GET3: variants seen among roughly 807,000 people sequenced by gnomAD.
The protein encoded by GET3 is guided entry of tail-anchored proteins factor 3, ATPase.
GET3 carries 15 observed loss-of-function variants against 32.4 expected under a neutral mutation model. The ratio of observed to expected loss-of-function variants is 0.46; its 90% CI spans 0.31 to 0.71. The LOEUF (loss-of-function observed/expected upper bound fraction) is 0.71, where lower values mean the gene tolerates loss of function less well. GET3 is among the 30% of genes least tolerant of loss of function. The pLI, the probability that GET3 is intolerant of heterozygous loss-of-function variation, is 0.05. For missense variants in GET3, 333 were observed against 459.0 expected (o/e 0.73, Z 2.51); for synonymous variants, 198 against 185.6 (o/e 1.07, Z -0.54).
rs1426361710 is a variant in GET3 at position 12,745,442 on chromosome 19, G to A, written c.375G>A (p.Leu125=). The change falls in exon 3 of 7, where the codon CTG becomes CTA. Residue 125 remains leucine (L), a synonymous_variant. Transcript: ENST00000357332. This position sits in a 1 kb window ranked among gnomAD's most constrained non-coding sequence, Gnocchi z 5.0. ...AGTTCTTCGAGGAGGACAACATGCT[G>A]AGCATGGGCAAGAAGATGATGCAGG... ...PDEFFEEDNM[L]SMGKKMMQEA... 3 of 1,613,134 alleles carry A rather than the reference G, an allele frequency of 1.9e-6. No homozygotes were observed. The highest frequency in any genetic ancestry group is 2.5e-6 in the Non-Finnish European group (3 of 1,179,994).
At chr19:12,742,864 A>T (rs2145689637) in intron 2 of GET3, among the ~76,000 whole-genome samples, 1 of 152,190 alleles carries the variant, frequency 6.6e-6, no homozygotes, top group African/African-American at 2.4e-5. Context: ...TATCTCTAAA[A>T]GAAAGAAAAA....
intron 2 of GET3, among the ~76,000 whole-genome samples, chr19:12,743,275 GA>G (rs1967702640): frequency 6.6e-6 from 1 of 150,960 alleles, no homozygotes; most frequent in South Asian, 2.1e-4. Flanking sequence ...GTTGGGAGTT[GA>G]AAACCAGCCT....
chr19:12,737,555 A>G lies in GET3; in HGVS notation c.50A>G (p.Asp17Gly). The change falls in exon 1 of 7, where the codon GAT becomes GGT. Residue 17 changes from aspartate to glycine, a missense_variant. By Grantham distance (94) the Asp-to-Gly change is moderately conservative. Coordinates refer to ENST00000357332, the MANE Select transcript of GET3 (RefSeq NM_004317.4). Reference sequence around the variant, plus strand: ...GGGGTTGAGGCAGAGGAGTTCGAAGATGCTCCTGATGTGGAGCCGCTGGAG... The same window carrying G: ...GGGGTTGAGGCAGAGGAGTTCGAAGGTGCTCCTGATGTGGAGCCGCTGGAG... ...GWGVEAEEFEDAPDVEPLEPT... is the reference protein window; with the variant it reads ...GWGVEAEEFEGAPDVEPLEPT... 6.2e-7 allele frequency: 1 copy of G among 1,604,488 alleles called. No individual in the cohort carries two copies. The highest frequency in any genetic ancestry group is 8.5e-7 in the Non-Finnish European group (1 of 1,176,086).
At position 12,745,601 on chromosome 19, in the gene GET3, C is replaced by T. The variant is rs1967756915; in HGVS notation, c.459-8C>T. Reference sequence around the variant, plus strand: ...GACACAGAGGGCCTGACCCCTGTCTCCCCTCAGGCTGGTGAAGGGCATGAA... The same window carrying T: ...GACACAGAGGGCCTGACCCCTGTCTTCCCTCAGGCTGGTGAAGGGCATGAA... On this transcript the variant is annotated splice_polypyrimidine_tract_variant and splice_region_variant and intron_variant, in intron 3 of 6. Coordinates refer to ENST00000357332, the MANE Select transcript of GET3 (RefSeq NM_004317.4). The surrounding 1 kb of genome is among the most constrained non-coding windows in gnomAD (Gnocchi z 5.0). 1 of 1,612,602 alleles carries T rather than the reference C, an allele frequency of 6.2e-7. No individual in the cohort carries two copies. Among genetic ancestry groups the T allele is most frequent in the East Asian group, 2.2e-5 (1 of 44,846 alleles).
At chr19:12,738,471 A>T in intron 1 of GET3, 40 bp from the exon 2 acceptor site, 1 of 1,611,336 alleles carries the variant, frequency 6.2e-7, no homozygotes, top group Non-Finnish European at 8.5e-7. Flanking sequence ...AACAGAGCCC[A>T]TCCCCTCATC....
At chr19:12,739,440 A>G (rs2145685432) in intron 2 of GET3, among the ~76,000 whole-genome samples, 1 of 152,298 alleles carries the variant, frequency 6.6e-6, no homozygotes, top group Admixed American at 6.5e-5. Context: ...TGCTGGGATT[A>G]CAGGCATGAG....
At chr19:12,741,900 C>T (rs926426437) in intron 2 of GET3, among the ~76,000 whole-genome samples, 4 of 152,182 alleles carry the variant, frequency 2.6e-5, no homozygotes, top group African/African-American at 4.8e-5. Context: ...ACCTGGATGA[C>T]AGAGCGAGAC....
intron 2 of GET3, among the ~76,000 whole-genome samples, chr19:12,741,850 C>T (rs995084640): frequency 3.9e-5 from 6 of 152,044 alleles, no homozygotes; most frequent in African/African-American, 2.4e-5. Flanking sequence ...ACCTGGGAGG[C>T]GGAGGTCACA....
chr19:12,745,109 G>A lies in GET3; in HGVS notation c.310-268G>A, dbSNP rs1568349399. On this transcript the variant is annotated intron_variant, in intron 2 of 6. Coordinates refer to ENST00000357332, the MANE Select transcript of GET3 (RefSeq NM_004317.4). This position sits in a 1 kb window ranked among gnomAD's most constrained non-coding sequence, Gnocchi z 5.0. ...TGGGGAGTAGCAGTGTAAATGGCCC[G>A]CAGTGGGTTTCAGCTTCCCTTTGAG... Among the ~76,000 whole-genome samples the A allele has an allele frequency of 1.3e-5, 2 of 152,020 alleles. No homozygotes were observed. The highest frequency in any genetic ancestry group is 4.1e-4 in the South Asian group (2 of 4,824).
At chr19:12,737,771 C>A in intron 1 of GET3, 105 bp downstream of exon 1, 2 of 1,415,578 alleles carry the variant, frequency 1.4e-6, no homozygotes, top group South Asian at 1.4e-5. Flanking sequence ...TGGGGGCTGG[C>A]GGGGGTCTTT....
intron 4 of GET3, among the ~76,000 whole-genome samples, chr19:12,746,305 G>A (rs1288979858): frequency 2.0e-5 from 3 of 152,124 alleles, no homozygotes; most frequent in Non-Finnish European, 4.4e-5. Flanking sequence ...GCTAATTTTT[G>A]TACTTTTTGT....
Position 12,747,345 on chromosome 19 carries a change from G to T in GET3, c.717+41G>T, listed in dbSNP as rs780179804. On this transcript the variant is annotated intron_variant, in intron 5 of 6. Coordinates refer to ENST00000357332, the MANE Select transcript of GET3 (RefSeq NM_004317.4). The surrounding 1 kb of genome is among the most constrained non-coding windows in gnomAD (Gnocchi z 4.0). ...GCTGGCGGTGAGAGGCCCGGGGGCT[G>T]AGGACAGGGGCAGACCCCGCCCCTC... 5.0e-6 allele frequency: 8 copies of T among 1,611,094 alleles called. 1 individual carries two copies. The highest frequency in any genetic ancestry group is 2.2e-5 in the South Asian group (2 of 91,026).
chr19:12,746,154 A>T (rs1463554505), intron 4 of GET3, among the ~76,000 whole-genome samples: 1 of 151,888 alleles, frequency 6.6e-6, no homozygotes, highest in African/African-American at 2.4e-5. Context: ...ATTATTCGAG[A>T]CGGAGTCTCG....
intron 2 of GET3, among the ~76,000 whole-genome samples, chr19:12,742,666 G>T (rs1432147751): frequency 6.6e-6 from 1 of 151,886 alleles, no homozygotes; most frequent in East Asian, 1.9e-4. Flanking sequence ...CACCCGCCTT[G>T]GCCTCCCAAA....
At chr19:12,743,426 A>G (rs1967706638) in intron 2 of GET3, among the ~76,000 whole-genome samples, 1 of 151,942 alleles carries the variant, frequency 6.6e-6, no homozygotes, top group Admixed American at 6.6e-5. Context: ...CAGTGAGCCA[A>G]GATCACGCCA....
Position 12,747,079 on chromosome 19 carries a change from G to A in GET3, c.610-118G>A. On this transcript the variant is annotated intron_variant, in intron 4 of 6. Transcript: ENST00000357332. This position sits in a 1 kb window ranked among gnomAD's most constrained non-coding sequence, Gnocchi z 4.0. ...TGACCAACCCCAGGAATCTGCTTAT[G>A]GGCCTGAGCCTTTAACCACTGGGAG... The A allele has an allele frequency of 1.4e-6, 1 of 696,990 alleles. No individual in the cohort carries two copies. Among genetic ancestry groups the A allele is most frequent in the Non-Finnish European group, 2.4e-6 (1 of 419,908 alleles). 43.2% of individuals were successfully genotyped at this position (696,990 alleles called of 1,614,324 possible).
At position 12,738,633 on chromosome 19, in the gene GET3, A is replaced by G; in HGVS notation, c.284A>G (p.Lys95Arg). The G allele has an allele frequency of 6.2e-7, 1 of 1,614,226 alleles. No individual in the cohort carries two copies. The highest frequency in any genetic ancestry group is 8.5e-7 in the Non-Finnish European group (1 of 1,180,046). Residue 95 changes from lysine (K) to arginine (R), a missense_variant, in exon 2 of 7, where the codon AAA becomes AGA. Coordinates refer to ENST00000357332, the MANE Select transcript of GET3 (RefSeq NM_004317.4). Reference protein sequence around the residue: ...QKFSKVPTKVKGYDNLFAMEI... With the variant: ...QKFSKVPTKVRGYDNLFAMEI... ...TTCTCAAAGGTGCCTACCAAGGTCAAAGGCTATGACAACCTCTTTGCTATG... is the reference window on the plus strand; with the variant it reads ...TTCTCAAAGGTGCCTACCAAGGTCAGAGGCTATGACAACCTCTTTGCTATG...
chr19:12,740,732 G>A (rs1038425021), intron 2 of GET3, among the ~76,000 whole-genome samples: 2 of 152,188 alleles, frequency 1.3e-5, no homozygotes, highest in East Asian at 1.9e-4. Context: ...GAGGATGCTG[G>A]CAGAGGACAG....
intron 2 of GET3, among the ~76,000 whole-genome samples, chr19:12,742,969 G>A (rs1967698070): frequency 6.6e-6 from 1 of 152,182 alleles, no homozygotes; most frequent in Non-Finnish European, 1.5e-5. Flanking sequence ...GCTGGATAAG[G>A]GTGCCAGCCA....
Sources: allele counts gnomAD v4.1 joint callset (sites outside exome capture counted in the v4.1 genomes callset), GRCh38; gene constraint gnomAD v4.1.1; non-coding constraint Gnocchi (gnomAD v3.1); transcripts MANE v1.5; gene names NCBI Gene and HGNC (gene_info 2026-07-23, HGNC 2026-07-21).